The following SPMIP7 variants were observed in gnomAD, a reference collection of about 807,000 sequenced individuals.
SPMIP7 encodes the protein sperm microtubule inner protein 7.
chr7:50,157,354 A>T, the SPMIP7 span, among the ~76,000 whole-genome samples: 1 of 152,046 alleles, frequency 6.6e-6, no homozygotes, highest in Non-Finnish European at 1.5e-5. Flanking sequence ...AAGGGATGTG[A>T]CCTGTCTCCA....
At chr7:50,115,979 C>A in the SPMIP7 span, among the ~76,000 whole-genome samples, 1 of 152,142 alleles carries the variant, frequency 6.6e-6, no homozygotes, top group Non-Finnish European at 1.5e-5. Flanking sequence ...CACTGAAGTT[C>A]TTAGCCAGCC....
chr7:50,097,807 T>G, the SPMIP7 span, among the ~76,000 whole-genome samples: 3 of 152,178 alleles, frequency 2.0e-5, no homozygotes, highest in African/African-American at 7.2e-5. Flanking sequence ...AATTTTCAGT[T>G]TCTTCATACA....
the SPMIP7 span, among the ~76,000 whole-genome samples, chr7:50,128,718 G>T: frequency 1.3e-5 from 2 of 151,978 alleles, no homozygotes; most frequent in Admixed American, 1.3e-4. Context: ...AGAATGAAAA[G>T]TCCAGTATTT....
chr7:50,128,285 T>C, the SPMIP7 span, among the ~76,000 whole-genome samples: 1 of 151,636 alleles, frequency 6.6e-6, no homozygotes, highest in Non-Finnish European at 1.5e-5. Flanking sequence ...AGATAGAGAG[T>C]AGATTGGTGG....
the SPMIP7 span, among the ~76,000 whole-genome samples, chr7:50,151,132 TC>T: frequency 6.6e-6 from 1 of 152,240 alleles, no homozygotes; most frequent in Non-Finnish European, 1.5e-5. Flanking sequence ...GTATCTTCCT[TC>T]ATTATGAAAC....
chr7:50,109,915 T>C, the SPMIP7 span, among the ~76,000 whole-genome samples: 1 of 152,172 alleles, frequency 6.6e-6, no homozygotes, highest in Non-Finnish European at 1.5e-5. Context: ...ATTTATATTC[T>C]CAAATTTAGA....
the SPMIP7 span, among the ~76,000 whole-genome samples, chr7:50,155,133 G>A: frequency 6.6e-6 from 1 of 152,178 alleles, no homozygotes; most frequent in African/African-American, 2.4e-5. Context: ...CCCCCAGTCT[G>A]TAGGCTGCCT....
chr7:50,125,594 G>T, the SPMIP7 span, among the ~76,000 whole-genome samples: 1 of 149,648 alleles, frequency 6.7e-6, no homozygotes, highest in Middle Eastern at 3.2e-3. Flanking sequence ...TGGTGTGTGT[G>T]TGTGTGTGTG....
the SPMIP7 span, among the ~76,000 whole-genome samples, chr7:50,137,492 TAA>T: frequency 6.6e-6 from 1 of 152,132 alleles, no homozygotes; most frequent in South Asian, 2.1e-4. Context: ...TTCACATACC[TAA>T]GTGTAAAAAT....
chr7:50,120,332 G>GA, the SPMIP7 span: 4 of 152,124 alleles, frequency 2.6e-5, no homozygotes, highest in African/African-American at 7.2e-5. Context: ...CATAAATTGG[G>GA]AAAAAATCTT....
chr7:50,128,779 AATAG>A, the SPMIP7 span, among the ~76,000 whole-genome samples: 1 of 152,034 alleles, frequency 6.6e-6, no homozygotes, highest in African/African-American at 2.4e-5. Context: ...ATGGACAGTA[AATAG>A]ATAAAGATAG....
chr7:50,147,526 C>T, the SPMIP7 span, among the ~76,000 whole-genome samples: 1 of 152,226 alleles, frequency 6.6e-6, no homozygotes, highest in South Asian at 2.1e-4. Flanking sequence ...ATAGAACATA[C>T]TCAATGACTA....
the SPMIP7 span, among the ~76,000 whole-genome samples, chr7:50,118,238 C>T: frequency 6.6e-6 from 1 of 152,136 alleles, no homozygotes; most frequent in Non-Finnish European, 1.5e-5. Flanking sequence ...CTAATACTTC[C>T]TTCTGGTACT....
the SPMIP7 span, among the ~76,000 whole-genome samples, chr7:50,111,954 G>A: frequency 5.3e-5 from 8 of 152,022 alleles, no homozygotes; most frequent in African/African-American, 1.9e-4. Context: ...CAACTATTTA[G>A]CAGTAAATGA....
chr7:50,150,630 C>A, the SPMIP7 span, among the ~76,000 whole-genome samples: 2 of 152,200 alleles, frequency 1.3e-5, no homozygotes, highest in Non-Finnish European at 2.9e-5. Flanking sequence ...CCTTACCCAC[C>A]TCCTAGGAAA....
chr7:50,130,313 A>G, the SPMIP7 span, among the ~76,000 whole-genome samples: 3 of 152,130 alleles, frequency 2.0e-5, no homozygotes, highest in Non-Finnish European at 4.4e-5. Context: ...AGGCCTCACA[A>G]TCATGGCAGA....
chr7:50,137,067 A>G, the SPMIP7 span, among the ~76,000 whole-genome samples: 1 of 152,096 alleles, frequency 6.6e-6, no homozygotes, highest in Admixed American at 6.5e-5. Context: ...ATAATTTTTT[A>G]AAACACATGT....
the SPMIP7 span, among the ~76,000 whole-genome samples, chr7:50,133,890 CT>C: frequency 6.6e-6 from 1 of 152,190 alleles, no homozygotes; most frequent in Non-Finnish European, 1.5e-5. Flanking sequence ...GTGCCAATCT[CT>C]TGGGGCATAT....
At chr7:50,137,115 C>T in the SPMIP7 span, among the ~76,000 whole-genome samples, 1 of 151,928 alleles carries the variant, frequency 6.6e-6, no homozygotes, top group Admixed American at 6.6e-5. Context: ...TGTTCTTTGT[C>T]TATAAACCCA....
Sources: allele counts gnomAD v4.1 joint callset (sites outside exome capture counted in the v4.1 genomes callset), GRCh38; gene constraint gnomAD v4.1.1; transcripts MANE v1.5; gene names NCBI Gene and HGNC (gene_info 2026-07-23, HGNC 2026-07-21).